Variants in TBL1XR1 observed in about 807,000 individuals in gnomAD.
TBL1XR1 encodes TBL1X/Y related 1.
TBL1XR1 carries 5 observed loss-of-function variants against 66.9 expected under a neutral mutation model. The observed-to-expected ratio is 0.07, with a 90% confidence interval of 0.04 to 0.16. The LOEUF is 0.16. TBL1XR1 is among the 10% of genes least tolerant of loss of function. The probability of loss-of-function intolerance (pLI) is 1.00; values close to 1 mark genes in which losing one functional copy is unlikely to be tolerated. For synonymous variants in TBL1XR1, 210 were observed against 206.0 expected (o/e 1.02, Z -0.17); for missense variants, 238 against 623.2 (o/e 0.38, Z 6.58).
intron 1 of TBL1XR1, among the ~76,000 whole-genome samples, chr3:177,102,374 T>A (rs991312187): frequency 1.3e-5 from 2 of 152,198 alleles, no homozygotes; most frequent in African/African-American, 4.8e-5. Flanking sequence ...TCTAGAAACA[T>A]ACGCAGGACC....
intron 1 of TBL1XR1, among the ~76,000 whole-genome samples, chr3:177,134,442 G>A (rs1360246779): frequency 6.6e-6 from 1 of 152,152 alleles, no homozygotes; most frequent in Non-Finnish European, 1.5e-5. Context: ...TTGCTACTAA[G>A]GGGAATACAT....
chr3:177,118,934 C>A (rs557217241), intron 1 of TBL1XR1, among the ~76,000 whole-genome samples: 2 of 152,082 alleles, frequency 1.3e-5, no homozygotes, highest in African/African-American at 4.8e-5. Flanking sequence ...AAAGTATAAG[C>A]TCATAAAAAC....
chr3:177,183,656 C>T (rs934486082), intron 1 of TBL1XR1, among the ~76,000 whole-genome samples: 2 of 151,882 alleles, frequency 1.3e-5, no homozygotes, highest in Admixed American at 6.6e-5. Context: ...TACAGGCACC[C>T]GCCACTACAC....
At chr3:177,119,016 G>C (rs1219869921) in intron 1 of TBL1XR1, among the ~76,000 whole-genome samples, 2 of 152,054 alleles carry the variant, frequency 1.3e-5, no homozygotes, top group Non-Finnish European at 2.9e-5. Flanking sequence ...TTGTACCCCA[G>C]GCTGGAGTGC....
chr3:177,095,686 G>T (rs1283492150), intron 2 of TBL1XR1, among the ~76,000 whole-genome samples: 1 of 151,986 alleles, frequency 6.6e-6, no homozygotes, highest in Non-Finnish European at 1.5e-5. Context: ...CACCATGTTG[G>T]CCAGGCTGGT....
intron 14 of TBL1XR1, among the ~76,000 whole-genome samples, chr3:177,031,126 A>G (rs1489945651): frequency 6.6e-6 from 1 of 152,156 alleles, no homozygotes; most frequent in East Asian, 1.9e-4. Flanking sequence ...AAATAAAAAT[A>G]AAAATGAAAA....
chr3:177,103,356 T>C (rs1233368073), intron 1 of TBL1XR1, among the ~76,000 whole-genome samples: 1 of 152,220 alleles, frequency 6.6e-6, no homozygotes, highest in Non-Finnish European at 1.5e-5. Context: ...ATAAAATAAA[T>C]GGCTGTAAGG....
At chr3:177,081,254 T>C (rs779136777) in intron 2 of TBL1XR1, among the ~76,000 whole-genome samples, 5 of 152,268 alleles carry the variant, frequency 3.3e-5, no homozygotes, top group African/African-American at 7.2e-5. Context: ...GTCTCTGTGA[T>C]AGAAATCTTT....
intron 2 of TBL1XR1, among the ~76,000 whole-genome samples, chr3:177,068,190 A>G (rs1719417018): frequency 6.6e-6 from 1 of 152,214 alleles, no homozygotes; most frequent in Admixed American, 6.5e-5. Context: ...ATTTATTTGT[A>G]TATTCTACCT....
intron 12 of TBL1XR1, among the ~76,000 whole-genome samples, chr3:177,035,986 C>T (rs1473694939): frequency 6.6e-6 from 1 of 152,124 alleles, no homozygotes; most frequent in Non-Finnish European, 1.5e-5. Flanking sequence ...CACTTAAGCA[C>T]CCATGGCACA....
At chr3:177,114,613 C>T in intron 1 of TBL1XR1, among the ~76,000 whole-genome samples, 1 of 151,592 alleles carries the variant, frequency 6.6e-6, no homozygotes, top group South Asian at 2.1e-4. Context: ...ATATGTATTT[C>T]AAAAGATTTG....
chr3:177,114,502 T>G (rs1034952423), intron 1 of TBL1XR1, among the ~76,000 whole-genome samples: 2 of 151,850 alleles, frequency 1.3e-5, no homozygotes, highest in Admixed American at 6.6e-5. Context: ...GCCCTCACAC[T>G]GTTGTCCAGG....
chr3:177,124,662 T>C (rs1228322602), intron 1 of TBL1XR1, among the ~76,000 whole-genome samples: 3 of 152,088 alleles, frequency 2.0e-5, no homozygotes, highest in Non-Finnish European at 4.4e-5. Context: ...AGTTTCTCCT[T>C]AAAGACTCCT....
At chr3:177,082,412 A>C (rs138364761) in intron 2 of TBL1XR1, among the ~76,000 whole-genome samples, 2 of 151,956 alleles carry the variant, frequency 1.3e-5, no homozygotes, top group South Asian at 2.1e-4. Context: ...TAAAAATCTT[A>C]TATCTTGTAA....
chr3:177,147,633 T>C (rs555327250), intron 1 of TBL1XR1, among the ~76,000 whole-genome samples: 254 of 152,296 alleles, frequency 1.7e-3, no homozygotes, highest in African/African-American at 5.6e-3. Context: ...GCAAAAGAAA[T>C]AGTCTTTATC....
chr3:177,153,422 C>A lies in TBL1XR1; in HGVS notation c.-122+43699G>T, dbSNP rs377239711. ...TATAAGACTTTTCATTTCAAAAGTTCCTCTAAATGAGTAATTAACTGTTTA... is the reference window on the plus strand; with the variant it reads ...TATAAGACTTTTCATTTCAAAAGTTACTCTAAATGAGTAATTAACTGTTTA... On this transcript the variant is annotated intron_variant, in intron 1 of 15. Transcript: ENST00000457928. Among the ~76,000 whole-genome samples, 23 of 152,232 alleles carry A rather than the reference C, an allele frequency of 1.5e-4. No homozygotes were observed. In the East Asian group the frequency reaches 4.4e-3, roughly 29 times the overall value.
intron 3 of TBL1XR1, among the ~76,000 whole-genome samples, chr3:177,055,323 C>T (rs1324742418): frequency 6.6e-6 from 1 of 152,006 alleles, no homozygotes; most frequent in East Asian, 1.9e-4. Context: ...TCAGAGTACA[C>T]CTAAGTTGAT....
chr3:177,164,600 G>A (rs1287853386), intron 1 of TBL1XR1, among the ~76,000 whole-genome samples: 1 of 151,986 alleles, frequency 6.6e-6, no homozygotes. Context: ...CACCCGCCTC[G>A]GCCTTCCAAA....
chr3:177,034,078 AT>A (rs1714410204), intron 13 of TBL1XR1, 119 bp downstream of exon 13: 1 of 1,157,028 alleles, frequency 8.6e-7, no homozygotes, highest in South Asian at 1.5e-5. Flanking sequence ...AACTACTGAA[AT>A]TGGAAAAAAA....
Sources: gnomAD v4.1 joint callset for allele counts (sites outside exome capture counted in the v4.1 genomes callset) on GRCh38, gnomAD v4.1.1 for gene constraint, MANE v1.5 for transcripts, NCBI Gene and HGNC (gene_info 2026-07-23, HGNC 2026-07-21) for gene names.